The following CMTM4 variants were observed in gnomAD, a reference collection of about 807,000 sequenced individuals.
CMTM4 encodes the protein CKLF-like MARVEL transmembrane domain-containing protein 4.
CMTM4 carries 8 observed loss-of-function variants against 19.0 expected under a neutral mutation model. That is an observed-to-expected ratio of 0.42 (90% CI 0.25 to 0.76). The LOEUF (loss-of-function observed/expected upper bound fraction) is 0.76. Ranked by LOEUF, CMTM4 falls within the 30% of genes least tolerant of loss-of-function variation. The pLI is 0.27. For synonymous variants in CMTM4, 106 were observed against 121.1 expected (o/e 0.88, Z 0.82); for missense variants, 228 against 290.2 (o/e 0.79, Z 1.56).
chr16:66,643,065 C>T (rs1401033501), intron 1 of CMTM4, among the ~76,000 whole-genome samples: 1 of 152,120 alleles, frequency 6.6e-6, no homozygotes, highest in Non-Finnish European at 1.5e-5. Flanking sequence ...GGATTACAGG[C>T]ACCTGCCACC....
At chr16:66,658,217 T>G (rs1423025187) in intron 1 of CMTM4, among the ~76,000 whole-genome samples, 16 of 104,630 alleles carry the variant, frequency 1.5e-4, no homozygotes, top group South Asian at 3.3e-4. Context: ...AGAAGGGAGG[T>G]AGGGAGGGAG....
intron 2 of CMTM4, among the ~76,000 whole-genome samples, chr16:66,633,786 C>A (rs1269155696): frequency 6.6e-6 from 1 of 151,324 alleles, no homozygotes; most frequent in African/African-American, 2.4e-5. Context: ...CCACTGCACT[C>A]CAGCCTGGGC....
rs1218877487 is a variant in CMTM4 at position 66,622,169 on chromosome 16, C to T, written c.516G>A (p.Val172=). The change falls in exon 4 of 4, where the codon GTG becomes GTA. Residue 172 remains valine, a synonymous_variant. Transcript: ENST00000394106. The surrounding 1 kb of genome is among the most constrained non-coding windows in gnomAD (Gnocchi z 4.0). ...AAYAVNTFLA[V]QKWRVSVRQQ... is the part of the protein sequence containing the mutation. ...GGCGGACGCTGACTCTCCATTTCTG[C>T]ACTGCCAGGAATGTGTTCACTGCAT... 1 of 1,613,948 alleles carries T rather than the reference C, an allele frequency of 6.2e-7. No homozygotes were observed. Among genetic ancestry groups the T allele is most frequent in the Admixed American group, 1.7e-5 (1 of 59,990 alleles).
chr16:66,619,428 C>CGA lies in CMTM4; in HGVS notation c.*2629_*2630insTC. The CGA allele has an allele frequency of 1.0e-6, 1 of 985,438 alleles. No homozygotes were observed. The highest frequency in any genetic ancestry group is 1.2e-6 in the Non-Finnish European group (1 of 829,940). The allele number at this position is 985,438 out of a possible 1,614,324, so 61.0% of individuals were successfully genotyped here. ...TTAAATGTGAAAACCAATATCGTCCCACCAGAACACTGAGAAAAACTAAGG... is the reference window on the plus strand; with the variant it reads ...TTAAATGTGAAAACCAATATCGTCCCGAACCAGAACACTGAGAAAAACTAAGG... On this transcript the variant is annotated 3_prime_UTR_variant, in exon 4 of 4. Coordinates refer to ENST00000394106, the MANE Select transcript of CMTM4 (RefSeq NM_181521.3).
the CMTM4 span, among the ~76,000 whole-genome samples, chr16:66,607,108 C>T: frequency 2.0e-5 from 3 of 152,214 alleles, no homozygotes; most frequent in African/African-American, 4.8e-5. Flanking sequence ...TGGGGCTGTG[C>T]TCATGGGTGG....
chr16:66,649,459 CATCTATCTATCT>C lies in CMTM4; in HGVS notation c.187-12890_187-12879del, dbSNP rs71378403. On this transcript the variant is annotated intron_variant, in intron 1 of 3. Transcript: ENST00000394106. Reference sequence around the variant, plus strand: ...TCTTGATTCCTTCTCTCTATCTATCCATCTATCTATCTATCTATCTATCTATCTATCTATCCC... The same window carrying C: ...TCTTGATTCCTTCTCTCTATCTATCCATCTATCTATCTATCTATCTATCCC... Among the ~76,000 whole-genome samples the C allele has an allele frequency of 6.2e-4, 92 of 149,498 alleles. No individual in the cohort carries two copies. In the Middle Eastern group the frequency reaches 0.027, roughly 45 times the overall value.
At chr16:66,611,990 C>A (rs111656261), downstream of CMTM4, among the ~76,000 whole-genome samples, 50 of 152,268 alleles carry the variant, frequency 3.3e-4, no homozygotes, top group African/African-American at 1.1e-3. Context: ...AGAGGTACAG[C>A]CCTGACCCAC....
At chr16:66,638,838 C>T (rs988530528) in intron 1 of CMTM4, among the ~76,000 whole-genome samples, 3 of 151,422 alleles carry the variant, frequency 2.0e-5, no homozygotes, top group Admixed American at 6.6e-5. Context: ...CTAGCCTGGG[C>T]GACAGAGTGA....
At chr16:66,609,381 C>G in the CMTM4 span, 1 of 1,513,600 alleles carries the variant, frequency 6.6e-7, no homozygotes, top group Non-Finnish European at 9.1e-7. The surrounding 1 kb of genome is among the most constrained non-coding windows in gnomAD (Gnocchi z 4.4). Flanking sequence ...AGGCCTCCTC[C>G]CCATGCTGTG....
intron 1 of CMTM4, among the ~76,000 whole-genome samples, chr16:66,649,110 G>C (rs899309643): frequency 6.6e-6 from 1 of 152,228 alleles, no homozygotes; most frequent in East Asian, 1.9e-4. Flanking sequence ...GGCCTAGGCA[G>C]GAGGATCGCC....
chr16:66,689,433 A>G (rs2017096719), intron 1 of CMTM4, among the ~76,000 whole-genome samples: 1 of 152,166 alleles, frequency 6.6e-6, no homozygotes, highest in Admixed American at 6.5e-5. Flanking sequence ...TGTTTTTGAG[A>G]AACGGTCTCA....
chr16:66,649,448 C>CTCTATCTA lies in CMTM4; in HGVS notation c.187-12875_187-12868dup, dbSNP rs759975495. Among the ~76,000 whole-genome samples the CTCTATCTA allele has an allele frequency of 2.1e-3, 259 of 122,954 alleles. 3 individuals carry two copies. Among genetic ancestry groups the CTCTATCTA allele is most frequent in the Admixed American group, 3.7e-3 (44 of 11,992 alleles). The allele number at this position is 122,954 out of a possible 152,430, so 80.7% of individuals were successfully genotyped here. ...TTTTCTTTTGGTCTTGATTCCTTCT[C>CTCTATCTA]TCTATCTATCCATCTATCTATCTAT... On this transcript the variant is annotated intron_variant, in intron 1 of 3. Transcript: ENST00000394106.
intron 1 of CMTM4, among the ~76,000 whole-genome samples, chr16:66,660,389 A>C (rs1294918831): frequency 3.4e-4 from 1 of 2,946 alleles, no homozygotes; most frequent in Non-Finnish European, 8.8e-4. Context: ...TCCTGTCTCA[A>C]AAAAAAAAAA....
At chr16:66,692,626 C>T (rs995425680) in intron 1 of CMTM4, among the ~76,000 whole-genome samples, 1 of 152,210 alleles carries the variant, frequency 6.6e-6, no homozygotes, top group African/African-American at 2.4e-5. Context: ...AAGTCTACAG[C>T]CCAACGCAGG....
chr16:66,606,819 C>G, the CMTM4 span, among the ~76,000 whole-genome samples: 1 of 152,276 alleles, frequency 6.6e-6, no homozygotes, highest in East Asian at 1.9e-4. Flanking sequence ...ATGGTGAAAC[C>G]CTGTCTCTAC....
intron 1 of CMTM4, 148 bp from the exon 2 acceptor site, chr16:66,636,729 G>C: frequency 1.6e-6 from 1 of 640,476 alleles, no homozygotes; most frequent in Non-Finnish European, 2.7e-6. Flanking sequence ...TCGGAAATCA[G>C]ACCTGCTTCA....
At chr16:66,613,059 C>T, downstream of CMTM4, 1 of 703,052 alleles carries the variant, frequency 1.4e-6, no homozygotes, top group South Asian at 1.5e-5. Context: ...GCTGCCCCGC[C>T]AGGCCCCGGT....
At chr16:66,604,908 G>GCTTT in the CMTM4 span, 10 of 1,472,998 alleles carry the variant, frequency 6.8e-6, no homozygotes, top group East Asian at 3.0e-4. Context: ...GCCGGCGCGG[G>GCTTT]CTTTCCTCTG....
At chr16:66,683,783 G>A (rs998136501) in intron 1 of CMTM4, among the ~76,000 whole-genome samples, 2 of 151,714 alleles carry the variant, frequency 1.3e-5, no homozygotes, top group African/African-American at 4.8e-5. Flanking sequence ...GGCAGAGTGG[G>A]GTGGGGGAGT....
Sources: gnomAD v4.1 joint callset for allele counts (sites outside exome capture counted in the v4.1 genomes callset) on GRCh38, gnomAD v4.1.1 for gene constraint, Gnocchi (gnomAD v3.1) non-coding constraint, MANE v1.5 for transcripts, NCBI Gene and HGNC (gene_info 2026-07-23, HGNC 2026-07-21) for gene names.